Variants in DYNC1I1 observed in about 807,000 individuals in gnomAD.
The protein encoded by DYNC1I1 is dynein cytoplasmic 1 intermediate chain 1.
DYNC1I1 carries 43 observed loss-of-function variants against 86.6 expected under a neutral mutation model. That is an observed-to-expected ratio of 0.50 (90% CI 0.39 to 0.64). The LOEUF (loss-of-function observed/expected upper bound fraction) is 0.64. DYNC1I1 is among the 30% of genes least tolerant of loss of function. DYNC1I1 has a pLI of 0.00. For missense variants in DYNC1I1, 604 were observed against 788.8 expected (o/e 0.77, Z 2.81); for synonymous variants, 262 against 283.7 (o/e 0.92, Z 0.77).
intron 10 of DYNC1I1, among the ~76,000 whole-genome samples, chr7:96,008,478 A>C (rs1794195631): frequency 6.6e-6 from 1 of 152,102 alleles, no homozygotes; most frequent in Non-Finnish European, 1.5e-5. Context: ...CATTTTTTGC[A>C]ATAGAGCTCA....
chr7:96,003,971 A>T (rs2115807660), intron 10 of DYNC1I1, among the ~76,000 whole-genome samples: 1 of 152,338 alleles, frequency 6.6e-6, no homozygotes, highest in East Asian at 1.9e-4. Context: ...TGTGTTATTA[A>T]TAAATACAGA....
chr7:95,826,831 G>T (rs1479194528), intron 4 of DYNC1I1, among the ~76,000 whole-genome samples: 1 of 152,164 alleles, frequency 6.6e-6, no homozygotes, highest in Non-Finnish European at 1.5e-5. Context: ...TTTAAAGGAA[G>T]AACATTAAGG....
chr7:95,947,205 C>T (rs922543467), intron 6 of DYNC1I1, among the ~76,000 whole-genome samples: 3 of 152,110 alleles, frequency 2.0e-5, no homozygotes, highest in Non-Finnish European at 4.4e-5. Flanking sequence ...ATACCTAGCG[C>T]AGTGAGTGTT....
chr7:95,943,897 G>A lies in DYNC1I1; in HGVS notation c.491-33615G>A, dbSNP rs545258137. ...TTCAAGATGGATTAAAGACTTAAAC[G>A]TTAGACCTAAAACCATAAAAACCCT... On this transcript the variant is annotated intron_variant, in intron 6 of 16. Transcript: ENST00000447467. 1.9e-3 allele frequency among the ~76,000 whole-genome samples: 293 copies of A among 151,880 alleles called. 1 individual carries two copies. Among genetic ancestry groups the A allele is most frequent in the African/African-American group, 6.6e-3 (272 of 41,412 alleles).
At chr7:96,046,583 A>C (rs774896212) in intron 14 of DYNC1I1, among the ~76,000 whole-genome samples, 9 of 152,192 alleles carry the variant, frequency 5.9e-5, no homozygotes, top group Non-Finnish European at 1.0e-4. Flanking sequence ...GGTGACCCCA[A>C]AGACTGTGTT....
intron 10 of DYNC1I1, among the ~76,000 whole-genome samples, chr7:96,025,018 T>C (rs758380172): frequency 6.6e-6 from 1 of 152,074 alleles, no homozygotes; most frequent in African/African-American, 2.4e-5. Context: ...CAAACTGTAG[T>C]TAAGACTATA....
chr7:96,037,359 T>G (rs2299280), intron 13 of DYNC1I1, among the ~76,000 whole-genome samples: 47,420 of 152,148 alleles, frequency 0.31, 8,022 homozygotes, highest in African/African-American at 0.45. Flanking sequence ...ATTGTTAGGT[T>G]CTGCAAGGCC....
chr7:95,909,040 G>A (rs1791250846), intron 6 of DYNC1I1, among the ~76,000 whole-genome samples: 1 of 151,376 alleles, frequency 6.6e-6, no homozygotes, highest in African/African-American at 2.4e-5. Context: ...GTTTGTTCCT[G>A]GAACAGACCA....
intron 10 of DYNC1I1, among the ~76,000 whole-genome samples, chr7:96,012,979 G>A (rs1056914139): frequency 1.3e-5 from 2 of 152,038 alleles, no homozygotes; most frequent in African/African-American, 4.8e-5. Context: ...GGGGAAGGGT[G>A]GATGGGGGTG....
chr7:95,831,192 A>G (rs959245925), intron 5 of DYNC1I1, among the ~76,000 whole-genome samples: 1 of 152,176 alleles, frequency 6.6e-6, no homozygotes, highest in African/African-American at 2.4e-5. Context: ...TTTTCTTAAC[A>G]GTGTCTTTAA....
chr7:96,044,667 G>T (rs1789154239), intron 14 of DYNC1I1, among the ~76,000 whole-genome samples: 1 of 152,100 alleles, frequency 6.6e-6, no homozygotes, highest in Admixed American at 6.5e-5. Flanking sequence ...AGGTAAGGAT[G>T]GGATCATGTG....
chr7:95,938,451 T>C (rs1230315628), intron 6 of DYNC1I1, among the ~76,000 whole-genome samples: 1 of 152,166 alleles, frequency 6.6e-6, no homozygotes, highest in African/African-American at 2.4e-5. Context: ...GGTGTTAACC[T>C]GTTAGGGAAA....
chr7:96,065,365 T>G (rs1789938871), intron 14 of DYNC1I1, among the ~76,000 whole-genome samples: 2 of 144,678 alleles, frequency 1.4e-5, no homozygotes, highest in African/African-American at 5.3e-5. Context: ...CTCTTTTCTT[T>G]TTTTCTTTCT....
intron 14 of DYNC1I1, among the ~76,000 whole-genome samples, chr7:96,062,029 T>A (rs1789795853): frequency 6.6e-6 from 1 of 152,164 alleles, no homozygotes; most frequent in South Asian, 2.1e-4. Context: ...TAGACCTCAC[T>A]TTTTGTCACA....
intron 10 of DYNC1I1, among the ~76,000 whole-genome samples, chr7:96,021,866 A>G (rs1291139339): frequency 2.0e-5 from 3 of 152,290 alleles, no homozygotes; most frequent in East Asian, 1.9e-4. Context: ...CAAACATTCC[A>G]TTGTATGGAT....
chr7:95,973,759 G>C (rs1350268375), intron 6 of DYNC1I1, among the ~76,000 whole-genome samples: 1 of 152,058 alleles, frequency 6.6e-6, no homozygotes, highest in Non-Finnish European at 1.5e-5. Context: ...GAGAATTAAT[G>C]TTTAAAATAA....
At chr7:95,793,274 G>A (rs1794354542) in intron 1 of DYNC1I1, among the ~76,000 whole-genome samples, 1 of 152,098 alleles carries the variant, frequency 6.6e-6, no homozygotes, top group African/African-American at 2.4e-5. Flanking sequence ...TTGAAAATTG[G>A]TTGTGGGGTG....
At chr7:95,971,345 T>G (rs1169817782) in intron 6 of DYNC1I1, among the ~76,000 whole-genome samples, 3 of 152,206 alleles carry the variant, frequency 2.0e-5, no homozygotes, top group African/African-American at 7.2e-5. Flanking sequence ...TTTTAAAACT[T>G]TAATAGAACT....
chr7:95,828,119 A>C lies in DYNC1I1; in HGVS notation c.374+3A>C. The C allele has an allele frequency of 6.2e-7, 1 of 1,613,670 alleles. No individual in the cohort carries two copies. Among genetic ancestry groups the C allele is most frequent in the Non-Finnish European group, 8.5e-7 (1 of 1,179,696 alleles). ...CTGCAGTCAGACTCAGAACTTGGGTATATGTCTGCTCTTTTGTTACTCCTT... is the reference window on the plus strand; with the variant it reads ...CTGCAGTCAGACTCAGAACTTGGGTCTATGTCTGCTCTTTTGTTACTCCTT... On this transcript the variant is annotated splice_donor_region_variant and intron_variant, in intron 5 of 16. Transcript: ENST00000447467.
Sources: allele counts gnomAD v4.1 joint callset (sites outside exome capture counted in the v4.1 genomes callset), GRCh38; gene constraint gnomAD v4.1.1; transcripts MANE v1.5; gene names NCBI Gene and HGNC (gene_info 2026-07-23, HGNC 2026-07-21).